The following CAST variants were observed in gnomAD, a reference collection of about 807,000 sequenced individuals.
The protein encoded by CAST is MIR583 host.
CAST carries 76 observed loss-of-function variants against 119.6 expected under a neutral mutation model. The observed-to-expected ratio is 0.64, with a 90% CI of 0.53 to 0.77. The LOEUF (loss-of-function observed/expected upper bound fraction) is 0.77. Ranked by LOEUF, CAST falls within the 30% of genes least tolerant of loss-of-function variation. The pLI is 0.00. For synonymous variants in CAST, 319 were observed against 331.6 expected (o/e 0.96, Z 0.41); for missense variants, 953 against 946.5 (o/e 1.01, Z -0.09).
At chr5:96,266,438 G>A in the CAST span, among the ~76,000 whole-genome samples, 1 of 152,098 alleles carries the variant, frequency 6.6e-6, no homozygotes, top group Admixed American at 6.5e-5. Context: ...AGGGGAGGGG[G>A]GCACTAGTAA....
the CAST span, among the ~76,000 whole-genome samples, chr5:96,371,507 G>T: frequency 6.6e-6 from 1 of 152,164 alleles, no homozygotes; most frequent in East Asian, 1.9e-4. Flanking sequence ...AACATTTATT[G>T]TCACTGACAT....
the CAST span, among the ~76,000 whole-genome samples, chr5:96,252,030 A>G: frequency 1.3e-5 from 2 of 152,204 alleles, no homozygotes; most frequent in South Asian, 2.1e-4. Flanking sequence ...GTAAGGCCAC[A>G]CTCTAGGAAT....
chr5:96,756,411 AG>A (rs1404469542), intron 22 of CAST, among the ~76,000 whole-genome samples: 1 of 152,218 alleles, frequency 6.6e-6, no homozygotes, highest in Admixed American at 6.5e-5. Flanking sequence ...TGAGGGAAAC[AG>A]GTGATCCAAG....
chr5:96,075,673 A>G, the CAST span, among the ~76,000 whole-genome samples: 1 of 152,176 alleles, frequency 6.6e-6, no homozygotes, highest in East Asian at 1.9e-4. Flanking sequence ...ATTGAGCAAA[A>G]GGGGAAGATT....
intron 1 of CAST, among the ~76,000 whole-genome samples, chr5:96,572,250 G>A (rs536732106): frequency 6.6e-6 from 1 of 151,836 alleles, no homozygotes; most frequent in South Asian, 2.1e-4. Context: ...TCCCAGGCTG[G>A]AGTGCAGTGG....
chr5:96,255,143 A>G, the CAST span, among the ~76,000 whole-genome samples: 1 of 152,170 alleles, frequency 6.6e-6, no homozygotes, highest in Non-Finnish European at 1.5e-5. Flanking sequence ...GGAGGCAAAG[A>G]AAAGTAAAAA....
At chr5:96,676,984 G>C (rs1017870456) in intron 2 of CAST, among the ~76,000 whole-genome samples, 1 of 151,284 alleles carries the variant, frequency 6.6e-6, no homozygotes, top group African/African-American at 2.4e-5. Flanking sequence ...AACCTGGGAG[G>C]CAGAGGTTGC....
At chr5:96,099,156 T>C in the CAST span, among the ~76,000 whole-genome samples, 1 of 152,178 alleles carries the variant, frequency 6.6e-6, no homozygotes, top group Non-Finnish European at 1.5e-5. Flanking sequence ...GTGCTAGTGA[T>C]TTTTGGACAT....
chr5:96,569,032 C>T (rs1330186876), intron 1 of CAST, among the ~76,000 whole-genome samples: 2 of 152,220 alleles, frequency 1.3e-5, no homozygotes, highest in East Asian at 3.8e-4. Flanking sequence ...TCCAGGAACA[C>T]AAACCCATGG....
Position 96,774,648 on chromosome 5 carries a change from T to TAAAA in CAST, c.*2033_*2036dup. 1 of 984,878 alleles carries TAAAA rather than the reference T, an allele frequency of 1.0e-6. No homozygotes were observed. The highest frequency in any genetic ancestry group is 1.7e-5 in the African/African-American group (1 of 57,356). 61.0% of individuals were successfully genotyped at this position (984,878 alleles called of 1,614,324 possible). A position where few individuals can be genotyped will look rare whatever the true frequency, so the allele number is the denominator to read the frequency against. The stretch of plus-strand genomic sequence containing the variant: ...TTTCCATGTTTCATTAATCAAGGCA[T>TAAAA]AAAATACAATTAAAGCAAAATATTT... On this transcript the variant is annotated 3_prime_UTR_variant, in exon 32 of 32. Coordinates refer to ENST00000675179, the MANE Select transcript of CAST (RefSeq NM_001750.7).
chr5:96,497,608 C>T, the CAST span, among the ~76,000 whole-genome samples: 1 of 152,068 alleles, frequency 6.6e-6, no homozygotes, highest in African/African-American at 2.4e-5. Flanking sequence ...TCTCTGATTG[C>T]CAGTGATGAT....
intron 1 of CAST, among the ~76,000 whole-genome samples, chr5:96,568,691 C>T (rs1263067870): frequency 6.9e-6 from 1 of 144,730 alleles, no homozygotes; most frequent in Non-Finnish European, 1.5e-5. Flanking sequence ...GGTGCTCCTT[C>T]TTTGTGTGCA....
the CAST span, among the ~76,000 whole-genome samples, chr5:96,033,266 C>T: frequency 6.6e-6 from 1 of 151,882 alleles, no homozygotes; most frequent in Non-Finnish European, 1.5e-5. Context: ...TCAACGTAAT[C>T]CCTATAAAAA....
intron 1 of CAST, among the ~76,000 whole-genome samples, chr5:96,588,484 G>T (rs1168201888): frequency 6.6e-6 from 1 of 152,084 alleles, no homozygotes; most frequent in Non-Finnish European, 1.5e-5. Context: ...ACAGGCATGA[G>T]CTACGGTACC....
At chr5:96,685,129 T>C (rs1242441605) in intron 2 of CAST, among the ~76,000 whole-genome samples, 1 of 151,874 alleles carries the variant, frequency 6.6e-6, no homozygotes, top group Non-Finnish European at 1.5e-5. Flanking sequence ...ATTTATGAGC[T>C]GAATTACCTA....
chr5:96,072,022 A>G, the CAST span, among the ~76,000 whole-genome samples: 2 of 152,214 alleles, frequency 1.3e-5, no homozygotes, highest in Non-Finnish European at 2.9e-5. Context: ...TGATACAAAG[A>G]AAACTAATAT....
At chr5:96,046,338 A>C in the CAST span, among the ~76,000 whole-genome samples, 1 of 152,210 alleles carries the variant, frequency 6.6e-6, no homozygotes, top group Non-Finnish European at 1.5e-5. Context: ...GAGATCTAGC[A>C]CCAACCTATT....
At chr5:96,122,232 C>A in the CAST span, among the ~76,000 whole-genome samples, 1 of 152,256 alleles carries the variant, frequency 6.6e-6, no homozygotes, top group East Asian at 1.9e-4. Flanking sequence ...CCCTTTTTAG[C>A]TTCAAACATG....
the CAST span, among the ~76,000 whole-genome samples, chr5:96,278,331 G>A: frequency 6.6e-6 from 1 of 152,014 alleles, no homozygotes; most frequent in Non-Finnish European, 1.5e-5. Context: ...TGTGGTGAGG[G>A]GGTCAAGATT....
Sources: allele counts gnomAD v4.1 joint callset (sites outside exome capture counted in the v4.1 genomes callset), GRCh38; gene constraint gnomAD v4.1.1; transcripts MANE v1.5; gene names NCBI Gene and HGNC (gene_info 2026-07-23, HGNC 2026-07-21).